SLC25A16: variants seen among roughly 807,000 people sequenced by gnomAD.
SLC25A16 encodes the protein solute carrier family 25 member 16.
Under a neutral mutation model 41.5 loss-of-function variants are expected in SLC25A16, and 39 were observed. The observed-to-expected ratio is 0.94, with a 90% CI of 0.73 to 1.23. The LOEUF (loss-of-function observed/expected upper bound fraction) is 1.23. SLC25A16 is among the 50% of genes most tolerant of loss of function. The pLI is 0.00. For missense variants in SLC25A16, 421 were observed against 426.9 expected, an observed-to-expected ratio of 0.99 and a Z score of 0.12; for synonymous variants, 146 against 147.8, an observed-to-expected ratio of 0.99 and a Z score of 0.09.
chr10:68,488,362 C>A (rs2052599573), intron 7 of SLC25A16, 105 bp downstream of exon 7: 2 of 766,070 alleles, frequency 2.6e-6, no homozygotes, highest in Non-Finnish European at 3.9e-6. Context: ...TTGCAAGGAT[C>A]CTCTTTTTGA....
At chr10:68,527,218 C>T (rs1419650024) in intron 1 of SLC25A16, 28 bp downstream of exon 1, 2 of 1,543,518 alleles carry the variant, frequency 1.3e-6, no homozygotes, top group Non-Finnish European at 1.7e-6. Flanking sequence ...ACTCAGAGCG[C>T]GGCTGGCTCT....
At chr10:68,516,319 G>T (rs1180114007) in intron 2 of SLC25A16, among the ~76,000 whole-genome samples, 1 of 152,054 alleles carries the variant, frequency 6.6e-6, no homozygotes, top group Non-Finnish European at 1.5e-5. Flanking sequence ...CGACTGGCTA[G>T]CAACTTAGAA....
chr10:68,512,796 G>A (rs1348251079), intron 2 of SLC25A16, among the ~76,000 whole-genome samples: 1 of 152,172 alleles, frequency 6.6e-6, no homozygotes, highest in Non-Finnish European at 1.5e-5. Flanking sequence ...CCAGCACTTT[G>A]GGAGGCTGAG....
intron 1 of SLC25A16, among the ~76,000 whole-genome samples, chr10:68,520,746 AG>A (rs2053236804): frequency 6.8e-6 from 1 of 147,416 alleles, no homozygotes; most frequent in Non-Finnish European, 1.5e-5. Context: ...CAGGAGGCAG[AG>A]GTTGCAGTGA....
At chr10:68,518,786 A>AAAAT (rs973711087) in intron 1 of SLC25A16, among the ~76,000 whole-genome samples, 2,505 of 140,030 alleles carry the variant, frequency 0.018, 66 homozygotes, top group African/African-American at 0.067. Context: ...AAAAACAAAT[A>AAAAT]AAATAAATAA....
chr10:68,515,313 C>T (rs1449129026), intron 2 of SLC25A16, among the ~76,000 whole-genome samples: 4 of 147,574 alleles, frequency 2.7e-5, no homozygotes, highest in African/African-American at 7.5e-5. Context: ...GCCGAGATAG[C>T]GCCATTTCAC....
In SLC25A16 at chr10:68,516,801, T is replaced by A. The variant is rs1469806194; in HGVS notation, c.173A>T (p.Asp58Val). The change falls in exon 2 of 9, where the codon GAT becomes GTT. Residue 58 changes from aspartate (D) to valine (V), a missense_variant. By Grantham distance (152) the Asp-to-Val change is radical (BLOSUM62 -3). Coordinates refer to ENST00000609923, the MANE Select transcript of SLC25A16 (RefSeq NM_152707.4). ...AGCTTGTAATAAAACCTTTACTCGA[T>A]CCAATGGAGCAACTGTTGTTTTGGC... is the stretch of plus-strand genomic sequence containing the variant. ...CCAKTTVAPL[D>V]RVKVLLQAHN... is the part of the protein sequence containing the mutation. 1.2e-6 allele frequency: 2 copies of A among 1,613,554 alleles called. No homozygotes were observed. The highest frequency in any genetic ancestry group is 1.7e-6 in the Non-Finnish European group (2 of 1,179,716).
At chr10:68,485,565 T>C (rs2052545598) in intron 8 of SLC25A16, among the ~76,000 whole-genome samples, 1 of 151,402 alleles carries the variant, frequency 6.6e-6, no homozygotes. Flanking sequence ...TTTGTATTTT[T>C]AGTAGAGACA....
In SLC25A16 at chr10:68,489,545, A is replaced by G. The variant is rs116647292; in HGVS notation, c.611-916T>C. Among the ~76,000 whole-genome samples the G allele has an allele frequency of 5.2e-3, 786 of 152,246 alleles. 6 individuals carry two copies. The highest frequency in any genetic ancestry group is 0.018 in the African/African-American group (740 of 41,550). On this transcript the variant is annotated intron_variant, in intron 6 of 8. Coordinates refer to ENST00000609923, the MANE Select transcript of SLC25A16 (RefSeq NM_152707.4). ...TTAAGAATGAAATTCAGGGAGGGAAAAAAGTAAATAAATATGAAATTCAAG... is the reference window on the plus strand; with the variant it reads ...TTAAGAATGAAATTCAGGGAGGGAAGAAAGTAAATAAATATGAAATTCAAG...
At chr10:68,521,091 G>A (rs985803015) in intron 1 of SLC25A16, among the ~76,000 whole-genome samples, 7 of 150,794 alleles carry the variant, frequency 4.6e-5, no homozygotes, top group South Asian at 4.2e-4. Flanking sequence ...CCGAGATCGC[G>A]CCACTGCACT....
At chr10:68,491,730 A>T (rs189724605) in intron 6 of SLC25A16, among the ~76,000 whole-genome samples, 36 of 152,332 alleles carry the variant, frequency 2.4e-4, no homozygotes, top group Non-Finnish European at 4.0e-4. Context: ...AGGAGAAAGA[A>T]GTGACAGCCA....
chr10:68,525,913 A>C (rs935248060), intron 1 of SLC25A16, among the ~76,000 whole-genome samples: 5 of 152,050 alleles, frequency 3.3e-5, no homozygotes, highest in Non-Finnish European at 7.4e-5. Flanking sequence ...ATGCTCCTTA[A>C]GAGTCATCAC....
chr10:68,520,249 A>G (rs2053228598), intron 1 of SLC25A16, among the ~76,000 whole-genome samples: 1 of 151,752 alleles, frequency 6.6e-6, no homozygotes, highest in South Asian at 2.1e-4. Flanking sequence ...GAGCCACCGC[A>G]CCCAGCCTAT....
rs370997821 is a variant in SLC25A16 at position 68,487,189 on chromosome 10, C to T, written c.797G>A (p.Arg266Gln). 2.2e-5 allele frequency: 36 copies of T among 1,613,200 alleles called. No individual in the cohort carries two copies. The highest frequency in any genetic ancestry group is 1.9e-4 in the African/African-American group (14 of 74,758). ...CAGAACAGTTCCTAATTGCATTCGC[C>T]GACGAGTCACATCAAATGGGTAGCT... ...TISYPFDVTR[R>Q]RMQLGTVLPE... is the part of the protein sequence containing the mutation. The change falls in exon 8 of 9, where the codon CGG becomes CAG. Residue 266 changes from arginine (R) to glutamine (Q), a missense_variant. Coordinates refer to ENST00000609923, the MANE Select transcript of SLC25A16 (RefSeq NM_152707.4).
intron 4 of SLC25A16, among the ~76,000 whole-genome samples, chr10:68,502,992 GAGA>G (rs2052883232): frequency 6.7e-6 from 1 of 148,844 alleles, no homozygotes; most frequent in African/African-American, 2.5e-5. Context: ...GAGGGAAGAG[GAGA>G]GAGAAGAGAG....
chr10:68,518,549 G>C (rs1252268274), intron 1 of SLC25A16, among the ~76,000 whole-genome samples: 3 of 151,808 alleles, frequency 2.0e-5, no homozygotes, highest in Non-Finnish European at 4.4e-5. Flanking sequence ...GCCGAGGCGG[G>C]CAGATCACGA....
At chr10:68,499,703 T>A (rs2052808656) in intron 4 of SLC25A16, 1 of 369,466 alleles carries the variant, frequency 2.7e-6, no homozygotes, top group Admixed American at 3.1e-5. Flanking sequence ...GAAGGTCAGG[T>A]TGTATGAGGA....
In SLC25A16 at chr10:68,517,012, A is replaced by G. The variant is rs112628952; in HGVS notation, c.131-169T>C. ...GACTGGTCCCCATTTCCTGTAACTT[A>G]ATAAGTGAGCATGATTACACTGCTA... is the stretch of plus-strand genomic sequence containing the variant. On this transcript the variant is annotated intron_variant, in intron 1 of 8. Coordinates refer to ENST00000609923, the MANE Select transcript of SLC25A16 (RefSeq NM_152707.4). 9.4e-5 allele frequency: 109 copies of G among 1,161,804 alleles called. No homozygotes were observed. In the African/African-American group the frequency reaches 1.6e-3, roughly 17 times the overall value. The allele number at this position is 1,161,804 out of a possible 1,614,324, so 72.0% of individuals were successfully genotyped here. A position where few individuals can be genotyped will look rare whatever the true frequency, so the allele number is the denominator to read the frequency against.
chr10:68,486,225 ACAAAAC>A (rs767036626), intron 8 of SLC25A16, among the ~76,000 whole-genome samples: 109 of 134,208 alleles, frequency 8.1e-4, no homozygotes, highest in African/African-American at 2.7e-3. Context: ...TCTCAAAAAA[ACAAAAC>A]AAAAAAAAAA....
Sources: allele counts gnomAD v4.1 joint callset (sites outside exome capture counted in the v4.1 genomes callset), GRCh38; gene constraint gnomAD v4.1.1; transcripts MANE v1.5; gene names NCBI Gene and HGNC (gene_info 2026-07-23, HGNC 2026-07-21).